Variants in RELN observed in about 807,000 individuals in gnomAD.
RELN encodes reelin.
A neutral mutation model predicts 427.6 loss-of-function variants in RELN; 108 were observed. That is an observed-to-expected ratio of 0.25 (90% CI 0.22 to 0.30). The LOEUF is 0.30. Ranked by LOEUF, RELN falls within the 10% of genes least tolerant of loss-of-function variation. RELN has a pLI of 1.00. For missense variants in RELN, 3,715 were observed against 4,302.8 expected (o/e 0.86, Z 3.82); for synonymous variants, 1,524 against 1,513.4 (o/e 1.01, Z -0.16).
intron 12 of RELN, among the ~76,000 whole-genome samples, chr7:103,655,196 C>G (rs1470047575): frequency 1.3e-5 from 2 of 152,010 alleles, no homozygotes; most frequent in Non-Finnish European, 2.9e-5. Flanking sequence ...TAACTAGAAG[C>G]CTCTCTTAAG....
intron 2 of RELN, among the ~76,000 whole-genome samples, chr7:103,871,874 A>T (rs1055553598): frequency 6.6e-6 from 1 of 151,872 alleles, no homozygotes; most frequent in Non-Finnish European, 1.5e-5. Context: ...ATTTCTGGAG[A>T]CCTACCAGAG....
chr7:103,892,032 G>T (rs965215900), intron 2 of RELN, among the ~76,000 whole-genome samples: 1 of 152,160 alleles, frequency 6.6e-6, no homozygotes, highest in African/African-American at 2.4e-5. Context: ...ATCTAGAACT[G>T]TATCTTTCAA....
chr7:103,490,764 G>A lies in RELN; in HGVS notation c.9509C>T (p.Ser3170Phe). Residue 3170 changes from serine (S) to phenylalanine (F), a missense_variant, in exon 59 of 65, where the codon TCC (serine) becomes TTC (phenylalanine). By Grantham distance (155) the Ser-to-Phe change is radical. Transcript: ENST00000428762. ...GGTGGCTTCATGGAACTGGAAAGGG[G>A]AGCAGCCAATGCTGTTAGAAGAGGA... ...LPSSSNSIGCSPFQFHEATIY... is the reference protein window; with the variant it reads ...LPSSSNSIGCFPFQFHEATIY... 6.2e-7 allele frequency: 1 copy of A among 1,614,192 alleles called. No individual in the cohort carries two copies. The highest frequency in any genetic ancestry group is 8.5e-7 in the Non-Finnish European group (1 of 1,180,040).
chr7:103,806,429 A>G (rs1584255540), intron 3 of RELN, among the ~76,000 whole-genome samples: 1 of 151,920 alleles, frequency 6.6e-6, no homozygotes, highest in Admixed American at 6.6e-5. Flanking sequence ...GGTTCAAGCA[A>G]TTCTCCTGCC....
At chr7:103,480,389 G>A (rs1049371197) in intron 63 of RELN, among the ~76,000 whole-genome samples, 8 of 152,006 alleles carry the variant, frequency 5.3e-5, no homozygotes, top group Non-Finnish European at 7.4e-5. Context: ...TTTATTTTGC[G>A]CTCATCAAAT....
Position 103,705,493 on chromosome 7 carries a change from C to G in RELN, c.806-4487G>C, listed in dbSNP as rs547388414. Reference sequence around the variant, plus strand: ...GTAGGTGTATCTTATAATTTATCACCTAGCCTTAAACAGATCATACTTAAT... The same window carrying G: ...GTAGGTGTATCTTATAATTTATCACGTAGCCTTAAACAGATCATACTTAAT... On this transcript the variant is annotated intron_variant, in intron 8 of 64. Coordinates refer to ENST00000428762, the MANE Select transcript of RELN (RefSeq NM_005045.4). 2.6e-5 allele frequency among the ~76,000 whole-genome samples: 4 copies of G among 152,236 alleles called. No individual in the cohort carries two copies. The South Asian group carries it at 8.3e-4, about 32-fold the overall frequency.
At chr7:103,637,480 T>A (rs530955186) in intron 17 of RELN, among the ~76,000 whole-genome samples, 1 of 152,278 alleles carries the variant, frequency 6.6e-6, no homozygotes, top group South Asian at 2.1e-4. Context: ...AAGGAGTCCA[T>A]GGAATGTAAA....
In RELN at chr7:103,557,912, G is replaced by A. The variant is rs1324216552; in HGVS notation, c.5614+53C>T. On this transcript the variant is annotated intron_variant, in intron 37 of 64. Coordinates refer to ENST00000428762, the MANE Select transcript of RELN (RefSeq NM_005045.4). ...AAATCCGTGATTTCTTTGTGGAAAA[G>A]GAATTGCACAGGGGAGAATTCTCTT... The A allele has an allele frequency of 3.5e-6, 3 of 853,506 alleles. No homozygotes were observed. In the East Asian group the frequency reaches 7.4e-5, roughly 21 times the overall value. 52.9% of individuals were successfully genotyped at this position (853,506 alleles called of 1,614,324 possible).
chr7:103,891,417 A>G (rs939773173), intron 2 of RELN, among the ~76,000 whole-genome samples: 2 of 152,180 alleles, frequency 1.3e-5, no homozygotes, highest in African/African-American at 2.4e-5. Flanking sequence ...AGGAGGCCCA[A>G]TTCCAATGAG....
intron 53 of RELN, 73 bp downstream of exon 53, chr7:103,500,672 C>A: frequency 6.9e-7 from 1 of 1,458,344 alleles, no homozygotes. Context: ...TAGATTATGT[C>A]TCATACATAA....
intron 64 of RELN, among the ~76,000 whole-genome samples, chr7:103,474,167 T>C (rs1471127646): frequency 1.3e-5 from 2 of 152,140 alleles, no homozygotes; most frequent in Non-Finnish European, 2.9e-5. Flanking sequence ...CAAGATAATT[T>C]CACAGTTTCA....
intron 2 of RELN, among the ~76,000 whole-genome samples, chr7:103,881,962 C>G (rs1404737554): frequency 2.6e-5 from 4 of 152,120 alleles, no homozygotes; most frequent in Non-Finnish European, 5.9e-5. Context: ...TCCCCTGGTT[C>G]ATGAAGTGCC....
intron 12 of RELN, among the ~76,000 whole-genome samples, chr7:103,655,848 C>T (rs569272183): frequency 2.0e-5 from 3 of 152,160 alleles, no homozygotes; most frequent in South Asian, 2.1e-4. Flanking sequence ...GTTCTGGAAC[C>T]GCTGCCATTA....
intron 44 of RELN, among the ~76,000 whole-genome samples, chr7:103,539,771 A>T (rs962944782): frequency 1.3e-5 from 2 of 152,220 alleles, no homozygotes; most frequent in African/African-American, 4.8e-5. Context: ...ATGTATAAAG[A>T]TCCTTTGGAG....
chr7:103,680,985 A>G (rs77308654), intron 11 of RELN, among the ~76,000 whole-genome samples: 8,166 of 152,096 alleles, frequency 0.054, 740 homozygotes, highest in African/African-American at 0.18. Context: ...GGCAGGGAGG[A>G]GCAGGGCTGG....
At chr7:103,720,173 T>G (rs1402752606) in intron 8 of RELN, among the ~76,000 whole-genome samples, 3 of 145,600 alleles carry the variant, frequency 2.1e-5, no homozygotes, top group Admixed American at 1.4e-4. Context: ...TGTATAAACA[T>G]TGTGTGTGTG....
intron 63 of RELN, among the ~76,000 whole-genome samples, chr7:103,481,558 C>T (rs59613376): frequency 0.052 from 7,928 of 152,164 alleles, 246 homozygotes; most frequent in South Asian, 0.11. Context: ...AATTTAAAGC[C>T]CCATCCAAAG....
intron 3 of RELN, among the ~76,000 whole-genome samples, chr7:103,828,924 G>A (rs1207483615): frequency 6.6e-6 from 1 of 151,828 alleles, no homozygotes; most frequent in Non-Finnish European, 1.5e-5. Flanking sequence ...ATTTTACCAC[G>A]ATAAAATAGA....
chr7:103,673,594 A>G (rs1348404720), intron 11 of RELN, among the ~76,000 whole-genome samples: 2 of 152,150 alleles, frequency 1.3e-5, no homozygotes, highest in East Asian at 3.9e-4. Flanking sequence ...AGTTTCCAGG[A>G]ATGTATCTTG....
Sources: allele counts gnomAD v4.1 joint callset (sites outside exome capture counted in the v4.1 genomes callset), GRCh38; gene constraint gnomAD v4.1.1; transcripts MANE v1.5; gene names NCBI Gene and HGNC (gene_info 2026-07-23, HGNC 2026-07-21).